The following GRK1 variants were observed in gnomAD, a reference collection of about 807,000 sequenced individuals.
GRK1 encodes G protein-coupled receptor kinase 1.
GRK1 carries 28 observed loss-of-function variants against 41.7 expected under a neutral mutation model. That is an observed-to-expected ratio of 0.67 (90% CI 0.50 to 0.92). The LOEUF is 0.92. Among genes scored for constraint, GRK1 ranks in the 40% least tolerant of loss-of-function variants. GRK1 has a pLI of 0.00. For synonymous variants in GRK1, 327 were observed against 286.7 expected, an observed-to-expected ratio of 1.14 and a Z score of -1.42; for missense variants, 703 against 671.2, an observed-to-expected ratio of 1.05 and a Z score of -0.52.
Position 113,669,769 on chromosome 13 carries a change from C to T in GRK1, c.782C>T (p.Ala261Val), listed in dbSNP as rs1195294506. ...CTGGCCTATGCGTTTGAAACCAAAGCCGACCTCTGTCTGGTGATGACCATC... is the reference window on the plus strand; with the variant it reads ...CTGGCCTATGCGTTTGAAACCAAAGTCGACCTCTGTCTGGTGATGACCATC... ...VSLAYAFETK[A>V]DLCLVMTIMN... The change falls in exon 2 of 7, where the codon GCC becomes GTC. Residue 261 changes from alanine (A) to valine (V), a missense_variant. Coordinates refer to ENST00000335678, the MANE Select transcript of GRK1 (RefSeq NM_002929.3). 1 of 1,613,844 alleles carries T rather than the reference C, an allele frequency of 6.2e-7. No individual in the cohort carries two copies.
At chr13:113,732,137 G>A (rs1040216901) in intron 5 of GRK1, among the ~76,000 whole-genome samples, 1 of 152,220 alleles carries the variant, frequency 6.6e-6, no homozygotes, top group Non-Finnish European at 1.5e-5. Context: ...GTTGGACGGA[G>A]GGGGTGGCCG....
In GRK1 at chr13:113,667,638, G is replaced by C; in HGVS notation, c.252G>C (p.Pro84=). The change falls in exon 1 of 7, where the codon CCG becomes CCC. Residue 84 remains proline (P), a synonymous_variant. Transcript: ENST00000335678. This position sits in a 1 kb window ranked among gnomAD's most constrained non-coding sequence, Gnocchi z 7.5. The part of the protein sequence containing the change: ...QFLQSAEKHL[P]ALELWKDIED... ...TACAATCGGCAGAGAAGCACCTGCC[G>C]GCCCTGGAGCTCTGGAAAGACATCG... 6.2e-7 allele frequency: 1 copy of C among 1,613,546 alleles called. No individual in the cohort carries two copies. Among genetic ancestry groups the C allele is most frequent in the South Asian group, 1.1e-5 (1 of 91,086 alleles).
At chr13:113,733,158 C>T in intron 6 of GRK1, 73 bp downstream of exon 6, 1 of 1,441,450 alleles carries the variant, frequency 6.9e-7, no homozygotes, top group East Asian at 2.5e-5. Context: ...CCGCCCGGTC[C>T]AGCCTGTGAG....
At chr13:113,650,168 CAAA>C in the GRK1 span, among the ~76,000 whole-genome samples, 601 of 99,968 alleles carry the variant, frequency 6.0e-3, 4 homozygotes, top group African/African-American at 0.017. This position sits in a 1 kb window ranked among gnomAD's most constrained non-coding sequence, Gnocchi z 5.0. Flanking sequence ...AAGACTGTCT[CAAA>C]AAAAAAAAAA....
At chr13:113,669,936 C>A in intron 2 of GRK1, 122 bp downstream of exon 2, 3 of 1,177,762 alleles carry the variant, frequency 2.5e-6, no homozygotes, top group Non-Finnish European at 3.5e-6. Flanking sequence ...TCGAGGGAAG[C>A]CTTGCACCCA....
intron 6 of GRK1, among the ~76,000 whole-genome samples, chr13:113,733,766 T>TGTGCGTGTGTAC (rs2049966390): frequency 8.7e-6 from 1 of 115,576 alleles, no homozygotes; most frequent in African/African-American, 3.4e-5. Context: ...TGCGTGTGTA[T>TGTGCGTGTGTAC]GTGTGTGCAT....
upstream of GRK1, chr13:113,667,159 G>A (rs570096368): frequency 1.3e-4 from 70 of 521,422 alleles, no homozygotes; most frequent in South Asian, 2.0e-3. This position sits in a 1 kb window ranked among gnomAD's most constrained non-coding sequence, Gnocchi z 7.5. Context: ...AGCGTCCTCC[G>A]TGACCCCGGC....
intron 4 of GRK1, among the ~76,000 whole-genome samples, chr13:113,725,106 G>A (rs902317320): frequency 6.6e-6 from 1 of 152,276 alleles, no homozygotes; most frequent in Non-Finnish European, 1.5e-5. Context: ...TCAGGGTGCA[G>A]GCTGGGAGGC....
At chr13:113,665,242 C>G (rs2049810034), upstream of GRK1, among the ~76,000 whole-genome samples, 1 of 152,186 alleles carries the variant, frequency 6.6e-6, no homozygotes, top group Admixed American at 6.5e-5. Context: ...TTCTCCAAAC[C>G]TTTATTGAGT....
intron 6 of GRK1, among the ~76,000 whole-genome samples, chr13:113,733,606 CATGTGT>C (rs1380626702): frequency 7.2e-6 from 1 of 139,270 alleles, no homozygotes; most frequent in African/African-American, 2.8e-5. Flanking sequence ...CATGTGTGCG[CATGTGT>C]ATGTGTGTGC....
upstream of GRK1, among the ~76,000 whole-genome samples, chr13:113,662,695 T>C (rs2049796997): frequency 6.6e-6 from 1 of 152,218 alleles, no homozygotes; most frequent in African/African-American, 2.4e-5. Flanking sequence ...CAATACCATT[T>C]ATGATTGCTC....
the GRK1 span, among the ~76,000 whole-genome samples, chr13:113,657,294 C>A: frequency 6.6e-5 from 10 of 152,352 alleles, no homozygotes; most frequent in South Asian, 2.1e-4. Flanking sequence ...AGTTCAGCCG[C>A]ATCCCGACGC....
chr13:113,656,993 AC>A, the GRK1 span, among the ~76,000 whole-genome samples: 1 of 152,134 alleles, frequency 6.6e-6, no homozygotes, highest in Non-Finnish European at 1.5e-5. Flanking sequence ...CTCTCTAGGA[AC>A]GGGGTATTTG....
At chr13:113,733,925 CATGTGTGCATACGTGTGT>C (rs1566700378) in intron 6 of GRK1, among the ~76,000 whole-genome samples, 19 of 41,992 alleles carry the variant, frequency 4.5e-4, no homozygotes, top group African/African-American at 1.9e-3. Context: ...TGCGTGTGTG[CATGTGTGCATACGTGTGT>C]GCGTGTGTGT....
At chr13:113,666,221 G>A (rs2140714086), upstream of GRK1, among the ~76,000 whole-genome samples, 1 of 144,414 alleles carries the variant, frequency 6.9e-6, no homozygotes, top group African/African-American at 2.6e-5. Flanking sequence ...GCTGTCCCAG[G>A]TGTGTCCAAG....
chr13:113,736,435 C>T lies in GRK1; in HGVS notation c.*1072C>T, dbSNP rs1056805780. 5 of 152,350 alleles carry T rather than the reference C, an allele frequency of 3.3e-5. No individual in the cohort carries two copies. Among genetic ancestry groups the T allele is most frequent in the African/African-American group, 1.2e-4 (5 of 41,474 alleles). 9.4% of individuals were successfully genotyped at this position (152,350 alleles called of 1,614,324 possible). A position where few individuals can be genotyped will look rare whatever the true frequency, so the allele number is the denominator to read the frequency against. The stretch of plus-strand genomic sequence containing the variant: ...CCTTCTCATACAGCTCGGCCCCACC[C>T]ACAATGCACCTGGCATTTCCAACTG... On this transcript the variant is annotated 3_prime_UTR_variant, in exon 7 of 7. Coordinates refer to ENST00000335678, the MANE Select transcript of GRK1 (RefSeq NM_002929.3).
upstream of GRK1, among the ~76,000 whole-genome samples, chr13:113,665,209 C>T (rs539764325): frequency 6.5e-4 from 99 of 152,286 alleles, no homozygotes; most frequent in African/African-American, 2.3e-3. Context: ...GGAACCAATC[C>T]CCTGCTGAAT....
the GRK1 span, among the ~76,000 whole-genome samples, chr13:113,659,927 G>A: frequency 6.6e-6 from 1 of 152,168 alleles, no homozygotes; most frequent in African/African-American, 2.4e-5. Context: ...GAAGGGTATA[G>A]ATGCTCTTGA....
At chr13:113,672,043 C>T (rs955871207) in intron 3 of GRK1, among the ~76,000 whole-genome samples, 2 of 151,738 alleles carry the variant, frequency 1.3e-5, no homozygotes, top group African/African-American at 4.8e-5. Context: ...GGGCGAGAGC[C>T]GAGGTGGGAG....
Sources: allele counts gnomAD v4.1 joint callset (sites outside exome capture counted in the v4.1 genomes callset), GRCh38; gene constraint gnomAD v4.1.1; non-coding constraint Gnocchi (gnomAD v3.1); transcripts MANE v1.5; gene names NCBI Gene and HGNC (gene_info 2026-07-23, HGNC 2026-07-21).